Variants in CKAP4 observed in about 807,000 individuals in gnomAD.
CKAP4 encodes cytoskeleton associated protein 4.
A neutral mutation model predicts 24.4 loss-of-function variants in CKAP4; 20 were observed. The ratio of observed to expected loss-of-function variants is 0.82; its 90% CI spans 0.58 to 1.19. The LOEUF (loss-of-function observed/expected upper bound fraction) is 1.19. CKAP4 is among the 50% of genes most tolerant of loss of function. CKAP4 has a pLI of 0.00. For synonymous variants in CKAP4, 378 were observed against 351.7 expected (o/e 1.07, Z -0.84); for missense variants, 744 against 765.3 (o/e 0.97, Z 0.33).
At position 106,247,704 on chromosome 12, in the gene CKAP4, G is replaced by A. The variant is rs1480941481; in HGVS notation, c.148C>T (p.His50Tyr). The stretch of plus-strand genomic sequence containing the variant: ...TGCTGCTGCGGGTGCTGCTGCGGGT[G>A]CGGCGCGGGCGGCGGCGGCGGCTGC... ...PQQPPPPPAPHPQQHPQQHPQ... is the reference protein window; with the variant it reads ...PQQPPPPPAPYPQQHPQQHPQ... The change falls in exon 1 of 2, where the codon CAC becomes TAC. Residue 50 changes from histidine to tyrosine, a missense_variant. His to Tyr is a moderately conservative substitution (Grantham distance 83). Coordinates refer to ENST00000378026, the MANE Select transcript of CKAP4 (RefSeq NM_006825.4). The surrounding 1 kb of genome is among the most constrained non-coding windows in gnomAD (Gnocchi z 4.5). 4.0e-6 allele frequency: 4 copies of A among 996,928 alleles called. No individual in the cohort carries two copies. The highest frequency in any genetic ancestry group is 2.9e-5 in the African/African-American group (1 of 34,616). The allele number at this position is 996,928 out of a possible 1,614,324, so 61.8% of individuals were successfully genotyped here. A position where few individuals can be genotyped will look rare whatever the true frequency, so the allele number is the denominator to read the frequency against.
chr12:106,239,987 G>T lies in CKAP4; in HGVS notation c.846C>A (p.Asn282Lys). The change falls in exon 2 of 2, where the codon AAC becomes AAA. Residue 282 changes from asparagine (N) to lysine (K), a missense_variant. Physicochemically the swap from Asn to Lys is moderately conservative, Grantham distance 94. Around this residue, in one of 3 missense-constraint regions of CKAP4, gnomAD observed 401 missense variants for 424.5 expected, o/e 0.94. Coordinates refer to ENST00000378026, the MANE Select transcript of CKAP4 (RefSeq NM_006825.4). This position sits in a 1 kb window ranked among gnomAD's most constrained non-coding sequence, Gnocchi z 4.9. ...KVASLEESEGNKQDLKALKEA... is the reference protein window; with the variant it reads ...KVASLEESEGKKQDLKALKEA... ...CCTTTAAGGCTTTCAAATCCTGCTT[G>T]TTCCCCTCAGATTCTTCCAGGGAGG... is the stretch of plus-strand genomic sequence containing the variant. 1.2e-6 allele frequency: 2 copies of T among 1,614,128 alleles called. No individual in the cohort carries two copies. Among genetic ancestry groups the T allele is most frequent in the Non-Finnish European group, 1.7e-6 (2 of 1,180,032 alleles).
rs1393632620 is a variant in CKAP4 at position 106,247,550 on chromosome 12, G to T, written c.302C>A (p.Ser101Ter). The change falls in exon 1 of 2, where the codon TCG (serine) becomes TAG (stop). Residue 101 changes from serine (S) to a stop codon, truncating the protein, a stop_gained. Coordinates refer to ENST00000378026, the MANE Select transcript of CKAP4 (RefSeq NM_006825.4). LOFTEE classifies it high-confidence loss of function. This position sits in a 1 kb window ranked among gnomAD's most constrained non-coding sequence, Gnocchi z 4.5. ...GTTGAGCGCCCTGCCGAGCCTGCGC[G>T]AGCAGGACGCCGAGGACGAGGCGGC... ...AAAASSSASCSRRLGRALNFL... is the reference protein window; with the variant it reads ...AAAASSSASC 1 of 1,484,322 alleles carries T rather than the reference G, an allele frequency of 6.7e-7. No individual in the cohort carries two copies. Among genetic ancestry groups the T allele is most frequent in the Non-Finnish European group, 8.9e-7 (1 of 1,118,548 alleles). The allele number at this position is 1,484,322 out of a possible 1,614,324, so 91.9% of individuals were successfully genotyped here.
chr12:106,243,461 A>G (rs1318610713), intron 1 of CKAP4, among the ~76,000 whole-genome samples: 4 of 152,182 alleles, frequency 2.6e-5, no homozygotes, highest in Admixed American at 6.5e-5. Context: ...CTAGACAAGA[A>G]AACAAAGAAA....
intron 1 of CKAP4, among the ~76,000 whole-genome samples, chr12:106,243,268 T>C (rs188696971): frequency 7.2e-5 from 11 of 152,246 alleles, no homozygotes; most frequent in Admixed American, 2.0e-4. Flanking sequence ...ATCTCCATTT[T>C]ACTAATGAGG....
At chr12:106,243,900 A>G (rs1303068528) in intron 1 of CKAP4, among the ~76,000 whole-genome samples, 1 of 152,252 alleles carries the variant, frequency 6.6e-6, no homozygotes, top group Non-Finnish European at 1.5e-5. Flanking sequence ...CTGGGAGAAC[A>G]GAAATCATGG....
At chr12:106,244,895 G>A (rs1323073961) in intron 1 of CKAP4, among the ~76,000 whole-genome samples, 2 of 152,156 alleles carry the variant, frequency 1.3e-5, no homozygotes, top group African/African-American at 4.8e-5. Context: ...CTCATTGTGT[G>A]GGTGGGAAAA....
chr12:106,239,293 G>T lies in CKAP4; in HGVS notation c.1540C>A (p.Leu514Ile). The T allele has an allele frequency of 6.2e-7, 1 of 1,611,776 alleles. No individual in the cohort carries two copies. ...QKVQEQVHTLLSQDQAQAARL... is the reference protein window; with the variant it reads ...QKVQEQVHTLISQDQAQAARL... ...GCGGCCTGGGCTTGGTCCTGACTGA[G>T]CAGCGTGTGCACCTGCTCCTGCACC... The change falls in exon 2 of 2, where the codon CTC becomes ATC. Residue 514 changes from leucine to isoleucine, a missense_variant. Leu to Ile is a conservative substitution (Grantham distance 5, BLOSUM62 2). Transcript: ENST00000378026. The surrounding 1 kb of genome is among the most constrained non-coding windows in gnomAD (Gnocchi z 4.9).
At position 106,247,853 on chromosome 12, in the gene CKAP4, G is replaced by T; in HGVS notation, c.-2C>A. ...GCCCCTTTGTTTGGCCGAGGGCATG[G>T]CGGGCGCGGCGGCGGCTCGGGCCGC... On this transcript the variant is annotated 5_prime_UTR_variant, in exon 1 of 2. Transcript: ENST00000378026. This position sits in a 1 kb window ranked among gnomAD's most constrained non-coding sequence, Gnocchi z 4.5. 9.6e-7 allele frequency: 1 copy of T among 1,039,710 alleles called. No homozygotes were observed. Among genetic ancestry groups the T allele is most frequent in the Non-Finnish European group, 1.2e-6 (1 of 867,520 alleles). The allele number at this position is 1,039,710 out of a possible 1,614,324, so 64.4% of individuals were successfully genotyped here.
At chr12:106,243,949 C>G (rs2033987597) in intron 1 of CKAP4, among the ~76,000 whole-genome samples, 1 of 152,182 alleles carries the variant, frequency 6.6e-6, no homozygotes, top group Non-Finnish European at 1.5e-5. Flanking sequence ...CCATAGTGAA[C>G]AGTAATTATG....
At chr12:106,245,990 G>A (rs919399578) in intron 1 of CKAP4, among the ~76,000 whole-genome samples, 15 of 152,226 alleles carry the variant, frequency 9.9e-5, no homozygotes, top group Non-Finnish European at 2.2e-4. Flanking sequence ...GGGAAAAGGA[G>A]GCAGTGGCTC....
intron 1 of CKAP4, among the ~76,000 whole-genome samples, chr12:106,242,143 T>C (rs975371786): frequency 1.3e-5 from 2 of 152,224 alleles, no homozygotes; most frequent in Non-Finnish European, 2.9e-5. Flanking sequence ...ATCTGTACCT[T>C]GGTTTCCTCA....
chr12:106,247,820 C>T lies in CKAP4; in HGVS notation c.32G>A (p.Gly11Asp). Residue 11 changes from glycine (G) to aspartate (D), a missense_variant, in exon 1 of 2, where the codon GGC (glycine) becomes GAC (aspartate). By Grantham distance (94) the Gly-to-Asp change is moderately conservative. Transcript: ENST00000378026. This position sits in a 1 kb window ranked among gnomAD's most constrained non-coding sequence, Gnocchi z 4.5. MPSAKQRGSK[G>D]GHGAASPSEK... ...CGAGGGGCTCGCGGCGCCGTGGCCG[C>T]CCTTGGAGCCCCTTTGTTTGGCCGA... 9.5e-7 allele frequency: 1 copy of T among 1,049,102 alleles called. No individual in the cohort carries two copies. Among genetic ancestry groups the T allele is most frequent in the Non-Finnish European group, 1.1e-6 (1 of 874,880 alleles). The allele number at this position is 1,049,102 out of a possible 1,614,324, so 65.0% of individuals were successfully genotyped here. A position where few individuals can be genotyped will look rare whatever the true frequency, so the allele number is the denominator to read the frequency against.
At position 106,239,219 on chromosome 12, in the gene CKAP4, G is replaced by A. The variant is rs762149224; in HGVS notation, c.1614C>T (p.Asn538=). 8 of 1,614,028 alleles carry A rather than the reference G, an allele frequency of 5.0e-6. No homozygotes were observed. Among genetic ancestry groups the A allele is most frequent in the African/African-American group, 2.7e-5 (2 of 74,938 alleles). Residue 538 remains asparagine (N), a synonymous_variant, in exon 2 of 2, where the codon AAC becomes AAT. Transcript: ENST00000378026. This position sits in a 1 kb window ranked among gnomAD's most constrained non-coding sequence, Gnocchi z 4.9. ...DFLDRLSSLD[N]LKASVSQVEA... is the part of the protein sequence containing the mutation. ...CCACTTGGCTGACTGAGGCTTTCAG[G>A]TTGTCTAGAGAAGAAAGTCTGTCCA... is the stretch of plus-strand genomic sequence containing the variant.
Position 106,239,420 on chromosome 12 carries a change from C to T in CKAP4, c.1413G>A (p.Thr471=), listed in dbSNP as rs199987043. Residue 471 remains threonine, a synonymous_variant, in exon 2 of 2, where the codon ACG becomes ACA. Coordinates refer to ENST00000378026, the MANE Select transcript of CKAP4 (RefSeq NM_006825.4). This position sits in a 1 kb window ranked among gnomAD's most constrained non-coding sequence, Gnocchi z 4.9. ...GCTGGGTCTCGCCCAGGCTCCTCAC[C>T]GTGCTGGCCAGGCCATCCTGGTCTG... The part of the protein sequence containing the change: ...SEADQDGLAS[T]VRSLGETQLV... 2.6e-5 allele frequency: 41 copies of T among 1,600,258 alleles called. No homozygotes were observed. In the East Asian group the frequency reaches 4.0e-4, roughly 16 times the overall value.
intron 1 of CKAP4, among the ~76,000 whole-genome samples, chr12:106,244,691 G>A (rs1188085712): frequency 6.6e-6 from 1 of 152,180 alleles, no homozygotes; most frequent in East Asian, 1.9e-4. Flanking sequence ...TTGTGAGGCT[G>A]AGGCAAGAGG....
chr12:106,239,562 T>C lies in CKAP4; in HGVS notation c.1271A>G (p.Gln424Arg). The C allele has an allele frequency of 6.2e-7, 1 of 1,613,622 alleles. No homozygotes were observed. Among genetic ancestry groups the C allele is most frequent in the Non-Finnish European group, 8.5e-7 (1 of 1,179,904 alleles). The change falls in exon 2 of 2, where the codon CAG (glutamine) becomes CGG (arginine). Residue 424 changes from glutamine to arginine, a missense_variant. Gln to Arg is a conservative substitution (Grantham distance 43, BLOSUM62 1). Around this residue, in one of 3 missense-constraint regions of CKAP4, gnomAD observed 401 missense variants for 424.5 expected, o/e 0.94. Coordinates refer to ENST00000378026, the MANE Select transcript of CKAP4 (RefSeq NM_006825.4). This position sits in a 1 kb window ranked among gnomAD's most constrained non-coding sequence, Gnocchi z 4.9. ...CTCGGTCTGGCGCGCAGAAGCCACCTGCATGGAGAGCACCCCATCCTCCAC... is the reference window on the plus strand; with the variant it reads ...CTCGGTCTGGCGCGCAGAAGCCACCCGCATGGAGAGCACCCCATCCTCCAC... ...QHVEDGVLSMQVASARQTESL... is the reference protein window; with the variant it reads ...QHVEDGVLSMRVASARQTESL...
In CKAP4 at chr12:106,247,647, G is replaced by T; in HGVS notation, c.205C>A (p.His69Asn). ...CCGCCGCCGCCGCCGCCGCCGCGGT[G>T]GCCGCCCTTGCCGTGCGCCTGGTTC... Reference protein sequence around the residue: ...PQNQAHGKGGHRGGGGGGGKS... With the variant: ...PQNQAHGKGGNRGGGGGGGKS... The change falls in exon 1 of 2, where the codon CAC (histidine) becomes AAC (asparagine). Residue 69 changes from histidine (H) to asparagine (N), a missense_variant. Coordinates refer to ENST00000378026, the MANE Select transcript of CKAP4 (RefSeq NM_006825.4). The surrounding 1 kb of genome is among the most constrained non-coding windows in gnomAD (Gnocchi z 4.5). The T allele has an allele frequency of 1.9e-6, 2 of 1,079,474 alleles. No individual in the cohort carries two copies. Among genetic ancestry groups the T allele is most frequent in the South Asian group, 2.6e-5 (1 of 39,052 alleles). The allele number at this position is 1,079,474 out of a possible 1,614,324, so 66.9% of individuals were successfully genotyped here.
Position 106,247,393 on chromosome 12 carries a change from C to T in CKAP4, c.459G>A (p.Gln153=). The T allele has an allele frequency of 6.5e-7, 1 of 1,540,648 alleles. No individual in the cohort carries two copies. Among genetic ancestry groups the T allele is most frequent in the East Asian group, 2.5e-5 (1 of 40,344 alleles). ...CCTTCTGCTCGACGCCCTGCAAGCCCTGGCCCAGCTCCTCCCTCTGCCGGG... is the reference window on the plus strand; with the variant it reads ...CCTTCTGCTCGACGCCCTGCAAGCCTTGGCCCAGCTCCTCCCTCTGCCGGG... ...DFSRQREELG[Q]GLQGVEQKVQ... is the part of the protein sequence containing the mutation. Residue 153 remains glutamine (Q), a synonymous_variant, in exon 1 of 2, where the codon CAG becomes CAA. Transcript: ENST00000378026. The surrounding 1 kb of genome is among the most constrained non-coding windows in gnomAD (Gnocchi z 4.5).
chr12:106,247,730 T>G lies in CKAP4; in HGVS notation c.122A>C (p.Gln41Pro), dbSNP rs1254793984. 2 of 1,036,388 alleles carry G rather than the reference T, an allele frequency of 1.9e-6. No homozygotes were observed. Among genetic ancestry groups the G allele is most frequent in the Non-Finnish European group, 2.3e-6 (2 of 869,954 alleles). The allele number at this position is 1,036,388 out of a possible 1,614,324, so 64.2% of individuals were successfully genotyped here. The change falls in exon 1 of 2, where the codon CAG becomes CCG. Residue 41 changes from glutamine to proline, a missense_variant. Coordinates refer to ENST00000378026, the MANE Select transcript of CKAP4 (RefSeq NM_006825.4). The surrounding 1 kb of genome is among the most constrained non-coding windows in gnomAD (Gnocchi z 4.5). The stretch of plus-strand genomic sequence containing the variant: ...CGGCGCGGGCGGCGGCGGCGGCTGC[T>G]GCGGCGCCGGCGGCGGCTTCTTCGC... ...DVAKKPPPAP[Q>P]QPPPPPAPHP...
Sources: gnomAD v4.1 joint callset for allele counts (sites outside exome capture counted in the v4.1 genomes callset) on GRCh38, gnomAD v4.1.1 for gene constraint, gnomAD v4.1.1 regional missense constraint, Gnocchi (gnomAD v3.1) non-coding constraint, MANE v1.5 for transcripts, NCBI Gene and HGNC (gene_info 2026-07-23, HGNC 2026-07-21) for gene names.